CBLB: variants seen among roughly 807,000 people sequenced by gnomAD.
CBLB encodes Cbl proto-oncogene B.
CBLB carries 31 observed loss-of-function variants against 104.9 expected under a neutral mutation model. The ratio of observed to expected loss-of-function variants is 0.30; its 90% confidence interval spans 0.22 to 0.40. The LOEUF is 0.40. Ranked by LOEUF, CBLB falls within the 10% of genes least tolerant of loss-of-function variation. The probability of loss-of-function intolerance (pLI) is 1.00; values close to 1 mark genes in which losing one functional copy is unlikely to be tolerated. For missense variants in CBLB, 1,062 were observed against 1,214.6 expected, an observed-to-expected ratio of 0.87 and a Z score of 1.87; for synonymous variants, 440 against 422.6, an observed-to-expected ratio of 1.04 and a Z score of -0.51.
Position 105,868,743 on chromosome 3 carries a change from C to T in CBLB, c.-22G>A, listed in dbSNP as rs977541266. On this transcript the variant is annotated 5_prime_UTR_variant, in exon 1 of 19. Transcript: ENST00000394030. Reference sequence around the variant, plus strand: ...GACCCCTTCCCTTCTTGCCTTTCGGCGCCGTAGCTGTCCAGAGACACGCGT... The same window carrying T: ...GACCCCTTCCCTTCTTGCCTTTCGGTGCCGTAGCTGTCCAGAGACACGCGT... The T allele has an allele frequency of 1.2e-5, 12 of 989,830 alleles. No individual in the cohort carries two copies. In the African/African-American group the frequency reaches 2.1e-4, roughly 17 times the overall value. The allele number at this position is 989,830 out of a possible 1,614,324, so 61.3% of individuals were successfully genotyped here. A position where few individuals can be genotyped will look rare whatever the true frequency, so the allele number is the denominator to read the frequency against.
rs1409002751 is a variant in CBLB at position 105,658,929 on chromosome 3, A to C, written c.*41T>G. The C allele has an allele frequency of 1.2e-5, 19 of 1,597,448 alleles. No individual in the cohort carries two copies. Among genetic ancestry groups the C allele is most frequent in the Non-Finnish European group, 1.6e-5 (19 of 1,165,602 alleles). On this transcript the variant is annotated 3_prime_UTR_variant, in exon 19 of 19. Transcript: ENST00000394030. ...CTCTTTATTTCCACACTCTTGGAAT[A>C]CATCGATTGCTTTCCATTTTGGTGT...
intron 4 of CBLB, among the ~76,000 whole-genome samples, chr3:105,764,748 G>A (rs2078030554): frequency 6.6e-6 from 1 of 152,174 alleles, no homozygotes; most frequent in African/African-American, 2.4e-5. Context: ...GCACCAAACA[G>A]TTAGGCAAGT....
chr3:105,670,998 T>C (rs894606238), intron 17 of CBLB: 6 of 175,566 alleles, frequency 3.4e-5, no homozygotes, highest in African/African-American at 1.2e-4. Context: ...CATTTGAATA[T>C]ACAGTAAAAT....
At chr3:105,714,666 T>C (rs1033407663) in intron 10 of CBLB, among the ~76,000 whole-genome samples, 1 of 152,190 alleles carries the variant, frequency 6.6e-6, no homozygotes, top group African/African-American at 2.4e-5. Flanking sequence ...CTTCGCTCAC[T>C]AGCCTGTTGC....
chr3:105,712,874 C>T (rs994377407), intron 10 of CBLB, among the ~76,000 whole-genome samples: 2 of 152,118 alleles, frequency 1.3e-5, no homozygotes, highest in East Asian at 3.8e-4. Context: ...TAATGGAATG[C>T]TATCAACATC....
At chr3:105,773,881 C>A (rs1221373134) in intron 4 of CBLB, among the ~76,000 whole-genome samples, 1 of 152,220 alleles carries the variant, frequency 6.6e-6, no homozygotes, top group African/African-American at 2.4e-5. Flanking sequence ...TGCCATGATA[C>A]ATGTGTTACT....
Position 105,751,532 on chromosome 3 carries a change from G to A in CBLB, c.653C>T (p.Ser218Leu), listed in dbSNP as rs2076593081. ...SSGLEAMALK[S>L]TIDLTCNDYI... ...ATCATTGCAAGTTAAATCAATTGTT[G>A]ATTTTAGAGCCATTGCTTCCAGGCC... Residue 218 changes from serine to leucine, a missense_variant, in exon 5 of 19, where the codon TCA becomes TTA. Physicochemically the swap from Ser to Leu is moderately radical, Grantham distance 145. This residue lies in a region of CBLB where 457 missense variants were observed against 632.0 expected (regional missense o/e 0.72). Transcript: ENST00000394030. The A allele has an allele frequency of 6.2e-7, 1 of 1,610,006 alleles. No individual in the cohort carries two copies. The highest frequency in any genetic ancestry group is 8.5e-7 in the Non-Finnish European group (1 of 1,176,438).
chr3:105,784,371 C>A (rs565788141), intron 3 of CBLB, among the ~76,000 whole-genome samples: 1 of 152,182 alleles, frequency 6.6e-6, no homozygotes, highest in Non-Finnish European at 1.5e-5. Context: ...AGAACTTTTT[C>A]TTTGATTATT....
intron 3 of CBLB, among the ~76,000 whole-genome samples, chr3:105,847,768 C>A (rs1560513178): frequency 6.6e-6 from 1 of 152,042 alleles, no homozygotes; most frequent in Non-Finnish European, 1.5e-5. Context: ...CCAGACCTTG[C>A]AGAGCAGCTG....
At chr3:105,674,701 C>A (rs2065414192) in intron 17 of CBLB, among the ~76,000 whole-genome samples, 1 of 152,142 alleles carries the variant, frequency 6.6e-6, no homozygotes, top group Non-Finnish European at 1.5e-5. Context: ...TGGAAAAAAG[C>A]ACATATACAC....
chr3:105,799,956 G>A (rs1010872564), intron 3 of CBLB, among the ~76,000 whole-genome samples: 3 of 152,202 alleles, frequency 2.0e-5, no homozygotes, highest in Admixed American at 2.0e-4. Context: ...TTGTTTTTTA[G>A]ACTAAGCAGC....
intron 4 of CBLB, among the ~76,000 whole-genome samples, chr3:105,757,871 A>G (rs2077224630): frequency 6.6e-6 from 1 of 152,088 alleles, no homozygotes; most frequent in South Asian, 2.1e-4. Context: ...CAGCAGCCCA[A>G]CTCTATTTCT....
At chr3:105,684,392 T>C (rs1288573870) in intron 14 of CBLB, among the ~76,000 whole-genome samples, 1 of 152,166 alleles carries the variant, frequency 6.6e-6, no homozygotes, top group East Asian at 1.9e-4. Flanking sequence ...AAATGCAGAC[T>C]CATGCCTTTA....
chr3:105,835,173 T>A lies in CBLB; in HGVS notation c.419+18241A>T, dbSNP rs115045651. Among the ~76,000 whole-genome samples the A allele has an allele frequency of 8.5e-3, 1,302 of 152,282 alleles. 18 individuals are homozygous for A. Among genetic ancestry groups the A allele is most frequent in the African/African-American group, 0.029 (1,198 of 41,564 alleles). ...AAGCGGCATGTAATGTTACAAAGAA[T>A]AACCCAAAAAAAGCTTTCAGTTATG... is the stretch of plus-strand genomic sequence containing the variant. On this transcript the variant is annotated intron_variant, in intron 3 of 18. Transcript: ENST00000394030.
intron 4 of CBLB, among the ~76,000 whole-genome samples, chr3:105,753,689 A>G (rs201269124): frequency 6.6e-6 from 1 of 152,206 alleles, no homozygotes; most frequent in Non-Finnish European, 1.5e-5. Flanking sequence ...CAAATTGTCA[A>G]TATTTATTTT....
chr3:105,838,289 G>T (rs1311941777), intron 3 of CBLB, among the ~76,000 whole-genome samples: 1 of 126,936 alleles, frequency 7.9e-6, no homozygotes, highest in African/African-American at 3.0e-5. Context: ...TAGAGATGGG[G>T]TCTCTCTGTT....
chr3:105,732,587 TA>T (rs3216688), intron 9 of CBLB, among the ~76,000 whole-genome samples: 17,679 of 152,228 alleles, frequency 0.12, 1,251 homozygotes, highest in East Asian at 0.41. Flanking sequence ...AAATCAACTG[TA>T]ATTCATTTCC....
Position 105,817,708 on chromosome 3 carries a change from T to C in CBLB, c.419+35706A>G, listed in dbSNP as rs545341844. On this transcript the variant is annotated intron_variant, in intron 3 of 18. Transcript: ENST00000394030. ...TCTAAGAAATAACTGAAGGCATTAG[T>C]TGTAAGAAAAGACAGTTGTGTATGC... Among the ~76,000 whole-genome samples, 7 of 152,226 alleles carry C rather than the reference T, an allele frequency of 4.6e-5. No homozygotes were observed. In the East Asian group the frequency reaches 7.7e-4, roughly 17 times the overall value.
chr3:105,825,349 T>C (rs1422155380), intron 3 of CBLB, among the ~76,000 whole-genome samples: 3 of 151,978 alleles, frequency 2.0e-5, no homozygotes, highest in African/African-American at 4.8e-5. Context: ...GACTCTCAGA[T>C]AGTGAGAAAA....
Sources: allele counts gnomAD v4.1 joint callset (sites outside exome capture counted in the v4.1 genomes callset), GRCh38; gene constraint gnomAD v4.1.1; regional missense constraint gnomAD v4.1.1; transcripts MANE v1.5; gene names NCBI Gene and HGNC (gene_info 2026-07-23, HGNC 2026-07-21).